CFAP61: variants seen among roughly 807,000 people sequenced by gnomAD.
CFAP61 encodes the protein cilia and flagella associated protein 61.
A neutral mutation model predicts 135.6 loss-of-function variants in CFAP61; 107 were observed. The observed-to-expected ratio is 0.79, with a 90% CI of 0.67 to 0.93. The LOEUF (loss-of-function observed/expected upper bound fraction) is 0.93, where lower values mean the gene tolerates loss of function less well. Among genes scored for constraint, CFAP61 ranks in the 40% least tolerant of loss-of-function variants. CFAP61 has a pLI of 0.00. For synonymous variants in CFAP61, 575 were observed against 578.5 expected (o/e 0.99, Z 0.09); for missense variants, 1,507 against 1,556.2 (o/e 0.97, Z 0.53).
chr20:20,077,485 A>G (rs2046135358), intron 6 of CFAP61, among the ~76,000 whole-genome samples: 2 of 152,224 alleles, frequency 1.3e-5, no homozygotes, highest in Non-Finnish European at 1.5e-5. Context: ...TGACAGCAAG[A>G]GTCAGACTCT....
intron 21 of CFAP61, among the ~76,000 whole-genome samples, chr20:20,269,624 C>G (rs2424304): frequency 0.67 from 101,710 of 152,056 alleles, 34,856 homozygotes; most frequent in Middle Eastern, 0.82. Context: ...CTCCCGCCTT[C>G]GCCTCCCGAA....
intron 13 of CFAP61, among the ~76,000 whole-genome samples, chr20:20,173,191 T>C (rs772503805): frequency 6.6e-6 from 1 of 152,194 alleles, no homozygotes; most frequent in Non-Finnish European, 1.5e-5. Flanking sequence ...GAAAAACCTC[T>C]TGTTTGCTTT....
intron 25 of CFAP61, 25 bp downstream of exon 25, chr20:20,298,411 A>G: frequency 6.4e-7 from 1 of 1,562,060 alleles, no homozygotes; most frequent in South Asian, 1.1e-5. Flanking sequence ...GCATTTGACT[A>G]CAGGGAAATA....
chr20:20,242,600 T>C (rs987682186), intron 18 of CFAP61, among the ~76,000 whole-genome samples: 8 of 152,226 alleles, frequency 5.3e-5, no homozygotes, highest in African/African-American at 1.9e-4. Context: ...ATTTCCAACC[T>C]TGATTTTCTT....
intron 26 of CFAP61, among the ~76,000 whole-genome samples, chr20:20,349,898 C>T (rs2058769318): frequency 6.6e-6 from 1 of 152,114 alleles, no homozygotes; most frequent in Non-Finnish European, 1.5e-5. Flanking sequence ...TCCTAAGTTC[C>T]TATGGAAATG....
intron 17 of CFAP61, among the ~76,000 whole-genome samples, chr20:20,219,374 T>A (rs1339853199): frequency 6.6e-6 from 1 of 152,226 alleles, no homozygotes; most frequent in Non-Finnish European, 1.5e-5. Context: ...AAATGACTCT[T>A]TGGCATAGTA....
intron 25 of CFAP61, among the ~76,000 whole-genome samples, chr20:20,314,893 T>G (rs1361584773): frequency 7.4e-6 from 1 of 135,004 alleles, no homozygotes; most frequent in East Asian, 2.1e-4. Flanking sequence ...TGCATAGTAT[T>G]CCATGGTGTA....
chr20:20,237,895 G>A (rs1402947052), intron 18 of CFAP61, among the ~76,000 whole-genome samples: 2 of 152,152 alleles, frequency 1.3e-5, no homozygotes, highest in Non-Finnish European at 2.9e-5. Flanking sequence ...GCATGTTAGA[G>A]AATTTAAGAT....
chr20:20,306,186 CAT>C (rs1226790252), intron 25 of CFAP61, among the ~76,000 whole-genome samples: 16 of 152,216 alleles, frequency 1.1e-4, no homozygotes, highest in Non-Finnish European at 2.2e-4. Context: ...ACAGCCAGCA[CAT>C]GTCTGTTTTC....
intron 26 of CFAP61, among the ~76,000 whole-genome samples, chr20:20,358,330 G>C (rs1460233348): frequency 6.6e-6 from 1 of 152,134 alleles, no homozygotes; most frequent in Non-Finnish European, 1.5e-5. Flanking sequence ...CATCCTTCAA[G>C]AGGCAAGTGC....
intron 6 of CFAP61, chr20:20,085,433 C>T: frequency 7.3e-7 from 1 of 1,364,814 alleles, no homozygotes; most frequent in Non-Finnish European, 9.8e-7. Flanking sequence ...TTTAGCAGAA[C>T]AAGTTCCTCT....
At chr20:20,322,839 C>G in intron 25 of CFAP61, 1 of 985,292 alleles carries the variant, frequency 1.0e-6, no homozygotes, top group East Asian at 1.1e-4. Context: ...AGAAGACATT[C>G]ATCTTGCATT....
chr20:20,327,227 A>G (rs2122283556), intron 25 of CFAP61, among the ~76,000 whole-genome samples: 1 of 152,212 alleles, frequency 6.6e-6, no homozygotes, highest in East Asian at 1.9e-4. Flanking sequence ...CCTCTCCAAT[A>G]CTTCTACTTT....
intron 8 of CFAP61, among the ~76,000 whole-genome samples, chr20:20,132,307 C>T (rs1243515942): frequency 1.3e-5 from 2 of 151,994 alleles, no homozygotes; most frequent in Non-Finnish European, 2.9e-5. Context: ...ATATATGCCA[C>T]ATTTTCTTTA....
At chr20:20,327,177 CA>C (rs2057781962) in intron 25 of CFAP61, among the ~76,000 whole-genome samples, 1 of 152,122 alleles carries the variant, frequency 6.6e-6, no homozygotes, top group African/African-American at 2.4e-5. Context: ...ATTTCTTTGA[CA>C]GATGATTATC....
chr20:20,261,472 A>G (rs140148329), intron 20 of CFAP61, among the ~76,000 whole-genome samples: 3 of 152,302 alleles, frequency 2.0e-5, no homozygotes, highest in African/African-American at 4.8e-5. Context: ...GCCAGTGGGT[A>G]TCTGCCAAAG....
chr20:20,240,145 A>G (rs1041197292), intron 18 of CFAP61, among the ~76,000 whole-genome samples: 1 of 152,220 alleles, frequency 6.6e-6, no homozygotes, highest in Non-Finnish European at 1.5e-5. Flanking sequence ...GGAGCATGCC[A>G]GTTAGGGCTG....
chr20:20,120,762 A>G (rs938112015), intron 8 of CFAP61, among the ~76,000 whole-genome samples: 5 of 152,148 alleles, frequency 3.3e-5, no homozygotes, highest in South Asian at 2.1e-4. Flanking sequence ...GTTGCAGTCT[A>G]TCTCTCCCTT....
At chr20:20,200,996 T>C (rs2056590653) in intron 17 of CFAP61, 4 of 970,852 alleles carry the variant, frequency 4.1e-6, no homozygotes, top group Non-Finnish European at 4.9e-6. Flanking sequence ...ATTTATATCA[T>C]TGTAAATTTA....
Sources: allele counts gnomAD v4.1 joint callset (sites outside exome capture counted in the v4.1 genomes callset), GRCh38; gene constraint gnomAD v4.1.1; transcripts MANE v1.5; gene names NCBI Gene and HGNC (gene_info 2026-07-23, HGNC 2026-07-21).